Variants in FSTL1 observed in about 807,000 individuals in gnomAD.
FSTL1 encodes follistatin like 1.
In FSTL1, 24 loss-of-function variants were observed where a neutral mutation model predicts 45.9. That is an observed-to-expected ratio of 0.52 (90% CI 0.38 to 0.74). FSTL1 has a LOEUF of 0.74. Ranked by LOEUF, FSTL1 falls within the 30% of genes least tolerant of loss-of-function variation. The pLI is 0.00. For synonymous variants in FSTL1, 120 were observed against 137.6 expected (o/e 0.87, Z 0.89); for missense variants, 340 against 381.8 (o/e 0.89, Z 0.91).
intron 2 of FSTL1, among the ~76,000 whole-genome samples, chr3:120,438,840 A>G (rs1937598822): frequency 6.6e-6 from 1 of 152,176 alleles, no homozygotes; most frequent in South Asian, 2.1e-4. Flanking sequence ...GGATGTCTGT[A>G]AACTCAGCCA....
rs1161270764 is a variant in FSTL1, at chr3:120,450,898, G to A, written c.-2C>T. On this transcript the variant is annotated splice_region_variant and 5_prime_UTR_variant, in exon 1 of 11. The change creates a new upstream start codon in the 5' untranslated region. Coordinates refer to ENST00000295633, the MANE Select transcript of FSTL1 (RefSeq NM_007085.5). ...CCGCGCCGTGCGCCCTGCGCTCACC[G>A]TGGTCTGGTCCAGGTCTCCTGGGGG... 6 of 543,552 alleles carry A rather than the reference G, an allele frequency of 1.1e-5. No individual in the cohort carries two copies. Among genetic ancestry groups the A allele is most frequent in the East Asian group, 1.0e-4 (3 of 28,794 alleles). The allele number at this position is 543,552 out of a possible 1,614,324, so 33.7% of individuals were successfully genotyped here.
intron 5 of FSTL1, chr3:120,410,645 C>T (rs1378404817): frequency 2.1e-6 from 1 of 484,108 alleles, no homozygotes; most frequent in Non-Finnish European, 4.0e-6. Context: ...ATGACACGAG[C>T]ATGTCTTATA....
intron 2 of FSTL1, among the ~76,000 whole-genome samples, chr3:120,438,007 G>T: frequency 6.6e-6 from 1 of 152,128 alleles, no homozygotes; most frequent in South Asian, 2.1e-4. Context: ...ATTAATACTT[G>T]TTCAGGAGCC....
At chr3:120,448,024 T>C (rs1937796827) in intron 2 of FSTL1, among the ~76,000 whole-genome samples, 1 of 152,236 alleles carries the variant, frequency 6.6e-6, no homozygotes, top group Non-Finnish European at 1.5e-5. Flanking sequence ...TTAATACTGA[T>C]GACAATCACC....
At chr3:120,450,220 T>C (rs1937854095) in intron 2 of FSTL1, among the ~76,000 whole-genome samples, 1 of 152,140 alleles carries the variant, frequency 6.6e-6, no homozygotes, top group African/African-American at 2.4e-5. Flanking sequence ...AGAATCATGA[T>C]CTCACTTTAA....
intron 2 of FSTL1, among the ~76,000 whole-genome samples, chr3:120,438,968 C>A (rs148351774): frequency 9.3e-4 from 142 of 152,268 alleles, no homozygotes; most frequent in African/African-American, 3.1e-3. Context: ...GCCAGTCCCC[C>A]GGGACAGTTT....
intron 5 of FSTL1, chr3:120,410,115 TC>T (rs1258119173): frequency 6.3e-6 from 1 of 159,560 alleles, no homozygotes; most frequent in African/African-American, 2.4e-5. Flanking sequence ...CATCCAAACT[TC>T]CCCCCACTTA....
chr3:120,448,637 C>A (rs914762084), intron 2 of FSTL1, among the ~76,000 whole-genome samples: 50 of 152,176 alleles, frequency 3.3e-4, no homozygotes, highest in African/African-American at 1.2e-3. Flanking sequence ...CCTCTTTTCT[C>A]CCCCAACGCA....
intron 2 of FSTL1, chr3:120,421,318 A>G (rs1937276026): frequency 6.6e-6 from 1 of 152,230 alleles, no homozygotes; most frequent in South Asian, 2.1e-4. Flanking sequence ...ACTTGCCACT[A>G]TTCTGCGACA....
At chr3:120,443,182 C>G (rs900443519) in intron 2 of FSTL1, among the ~76,000 whole-genome samples, 13 of 149,724 alleles carry the variant, frequency 8.7e-5, no homozygotes, top group African/African-American at 3.3e-4. Context: ...AGGGCCCCAG[C>G]TGCCCAAGTG....
chr3:120,415,122 C>T (rs937339175), intron 3 of FSTL1, among the ~76,000 whole-genome samples: 1 of 122,218 alleles, frequency 8.2e-6, no homozygotes. Context: ...GTTTGTTTTT[C>T]AAAAAAAAAA....
At chr3:120,412,838 G>GCGCGCACGCA (rs1429168694) in intron 3 of FSTL1, among the ~76,000 whole-genome samples, 1 of 106,132 alleles carries the variant, frequency 9.4e-6, no homozygotes, top group Non-Finnish European at 2.1e-5. Flanking sequence ...GCGCGCGCGC[G>GCGCGCACGCA]CACACACACA....
At chr3:120,438,356 T>C (rs1257396223) in intron 2 of FSTL1, 1 of 152,188 alleles carries the variant, frequency 6.6e-6, no homozygotes, top group Non-Finnish European at 1.5e-5. Context: ...GCTTCTGAAG[T>C]GGAAAATCAA....
intron 2 of FSTL1, among the ~76,000 whole-genome samples, chr3:120,432,437 G>T (rs9854823): frequency 0.23 from 35,300 of 151,900 alleles, 5,083 homozygotes; most frequent in African/African-American, 0.41. Flanking sequence ...CAGGTATTCC[G>T]TTCCGCTGCA....
chr3:120,409,732 T>G, intron 5 of FSTL1, 70 bp from the exon 6 acceptor site: 2 of 1,462,872 alleles, frequency 1.4e-6, no homozygotes, highest in African/African-American at 1.4e-5. Flanking sequence ...GCACCCACTG[T>G]GTGGGAGCAT....
intron 2 of FSTL1, among the ~76,000 whole-genome samples, chr3:120,424,794 T>A (rs951336392): frequency 2.6e-5 from 4 of 152,050 alleles, no homozygotes; most frequent in African/African-American, 9.7e-5. Context: ...GTTGGTTGTG[T>A]GTCTCTATCA....
At chr3:120,403,473 C>G in intron 7 of FSTL1, 119 bp from the exon 8 acceptor site, 1 of 635,710 alleles carries the variant, frequency 1.6e-6, no homozygotes. Flanking sequence ...AAGATGACTG[C>G]TAACTAAAAC....
At chr3:120,431,856 C>A (rs1284346828) in intron 2 of FSTL1, among the ~76,000 whole-genome samples, 2 of 152,096 alleles carry the variant, frequency 1.3e-5, no homozygotes, top group Non-Finnish European at 2.9e-5. Flanking sequence ...CATCTGGGAC[C>A]AGGATACTGA....
intron 2 of FSTL1, among the ~76,000 whole-genome samples, chr3:120,422,426 G>A (rs962045638): frequency 3.3e-5 from 5 of 152,096 alleles, no homozygotes; most frequent in African/African-American, 1.2e-4. Context: ...CCATATATAT[G>A]AATATTAAAA....
Sources: gnomAD v4.1 joint callset for allele counts (sites outside exome capture counted in the v4.1 genomes callset) on GRCh38, gnomAD v4.1.1 for gene constraint, MANE v1.5 for transcripts, NCBI Gene and HGNC (gene_info 2026-07-23, HGNC 2026-07-21) for gene names.